The following OSBPL9 variants were observed in gnomAD, a reference collection of about 807,000 sequenced individuals.
The protein encoded by OSBPL9 is oxysterol binding protein like 9.
In OSBPL9, 40 loss-of-function variants were observed where a neutral mutation model predicts 106.6. The observed-to-expected ratio is 0.38, with a 90% CI of 0.29 to 0.49. The LOEUF is 0.49. Among genes scored for constraint, OSBPL9 ranks in the 20% least tolerant of loss-of-function variants. The probability of loss-of-function intolerance (pLI) is 0.97; values close to 1 mark genes in which losing one functional copy is unlikely to be tolerated. For missense variants in OSBPL9, 609 were observed against 887.2 expected (o/e 0.69, Z 3.98); for synonymous variants, 269 against 295.4 (o/e 0.91, Z 0.92).
At chr1:51,568,941 G>T in the OSBPL9 span, among the ~76,000 whole-genome samples, 4 of 152,146 alleles carry the variant, frequency 2.6e-5, no homozygotes, top group Non-Finnish European at 5.9e-5. Flanking sequence ...TCGAACTCCT[G>T]ACCTCAAGTG....
chr1:51,659,760 GA>G (rs1233476771), intron 2 of OSBPL9, among the ~76,000 whole-genome samples: 1 of 152,012 alleles, frequency 6.6e-6, no homozygotes, highest in East Asian at 1.9e-4. Flanking sequence ...CAATAAATTT[GA>G]AAGCTTATAT....
intron 15 of OSBPL9, among the ~76,000 whole-genome samples, chr1:51,777,989 C>CA (rs953746498): frequency 1.3e-5 from 2 of 151,308 alleles, no homozygotes; most frequent in African/African-American, 4.9e-5. Context: ...CCTGTCCCTA[C>CA]AAAAAAAAAT....
chr1:51,789,147 C>A lies in OSBPL9; in HGVS notation c.*1358C>A. On this transcript the variant is annotated 3_prime_UTR_variant, in exon 24 of 24. Coordinates refer to ENST00000428468, the MANE Select transcript of OSBPL9 (RefSeq NM_024586.6). ...CCAGTGCAAAACTTCAATGGAAGCC[C>A]TAAGGCAGTAGTATAACTAACTCCA... 1 of 1,253,114 alleles carries A rather than the reference C, an allele frequency of 8.0e-7. No individual in the cohort carries two copies. Among genetic ancestry groups the A allele is most frequent in the Non-Finnish European group, 1.2e-6 (1 of 858,856 alleles). 77.6% of individuals were successfully genotyped at this position (1,253,114 alleles called of 1,614,324 possible).
chr1:51,739,593 A>G (rs1276491538), intron 4 of OSBPL9, among the ~76,000 whole-genome samples: 1 of 152,028 alleles, frequency 6.6e-6, no homozygotes, highest in Non-Finnish European at 1.5e-5. Context: ...TAGTGAAAGG[A>G]AAGGTTTAAT....
chr1:51,747,858 C>T (rs867191590), intron 6 of OSBPL9, among the ~76,000 whole-genome samples: 2 of 152,056 alleles, frequency 1.3e-5, no homozygotes, highest in African/African-American at 4.8e-5. Flanking sequence ...GGCGTGATCT[C>T]GGCTCACTGC....
intron 15 of OSBPL9, among the ~76,000 whole-genome samples, chr1:51,778,132 G>A (rs1467438309): frequency 6.6e-6 from 1 of 152,002 alleles, no homozygotes; most frequent in Non-Finnish European, 1.5e-5. Context: ...CTGCAGCTTG[G>A]GTGACAGAGC....
At chr1:51,623,340 G>C (rs767257548) in intron 1 of OSBPL9, among the ~76,000 whole-genome samples, 2 of 152,090 alleles carry the variant, frequency 1.3e-5, no homozygotes, top group Non-Finnish European at 2.9e-5. Context: ...TGGGAAGCAA[G>C]GTCAATGTTA....
chr1:51,728,637 A>G (rs182208433), intron 4 of OSBPL9, among the ~76,000 whole-genome samples: 1 of 152,308 alleles, frequency 6.6e-6, no homozygotes, highest in African/African-American at 2.4e-5. Context: ...TTTACATACA[A>G]CAAACTGAAG....
chr1:51,599,459 A>G (rs901573823), intron 2 of OSBPL9, among the ~76,000 whole-genome samples: 2 of 152,180 alleles, frequency 1.3e-5, no homozygotes, highest in Non-Finnish European at 1.5e-5. Context: ...AGTCCCTAGC[A>G]CAGTGAATGT....
At chr1:51,771,311 GC>G (rs2149104636) in intron 12 of OSBPL9, among the ~76,000 whole-genome samples, 1 of 152,198 alleles carries the variant, frequency 6.6e-6, no homozygotes, top group South Asian at 2.1e-4. Flanking sequence ...TAAATTGTGT[GC>G]CTTTTTTATT....
the OSBPL9 span, among the ~76,000 whole-genome samples, chr1:51,534,558 G>A: frequency 6.6e-6 from 1 of 152,100 alleles, no homozygotes; most frequent in East Asian, 1.9e-4. Flanking sequence ...GCTGTCCAGG[G>A]CATTCAGACC....
chr1:51,571,617 C>T, the OSBPL9 span, among the ~76,000 whole-genome samples: 5 of 152,062 alleles, frequency 3.3e-5, no homozygotes, highest in South Asian at 2.1e-4. Flanking sequence ...CAGTGAGCTA[C>T]GATCACACCA....
At chr1:51,637,998 T>C (rs1171142966) in intron 1 of OSBPL9, among the ~76,000 whole-genome samples, 1 of 152,156 alleles carries the variant, frequency 6.6e-6, no homozygotes, top group African/African-American at 2.4e-5. Context: ...CTAAAATACT[T>C]AGTATAATGA....
chr1:51,748,663 C>T (rs1451764358), intron 7 of OSBPL9, among the ~76,000 whole-genome samples: 1 of 152,094 alleles, frequency 6.6e-6, no homozygotes, highest in East Asian at 1.9e-4. Context: ...GTCTTCCACG[C>T]ACAGTGGATA....
At chr1:51,722,948 T>C (rs2148916187) in intron 4 of OSBPL9, among the ~76,000 whole-genome samples, 1 of 152,364 alleles carries the variant, frequency 6.6e-6, no homozygotes, top group Middle Eastern at 3.4e-3. Context: ...ATGCCTAGGG[T>C]AAATATGATT....
rs985342518 is a variant in OSBPL9, at chr1:51,662,970, A to T, written c.163-6464A>T. 8.6e-5 allele frequency among the ~76,000 whole-genome samples: 13 copies of T among 151,864 alleles called. No individual in the cohort carries two copies. The East Asian group carries it at 9.7e-4, about 11-fold the overall frequency. ...CGTGTTAGCCAGGATGGTCTTGATC[A>T]CCTGACCTCATGATCTGCCCGCCTT... is the stretch of plus-strand genomic sequence containing the variant. On this transcript the variant is annotated intron_variant, in intron 2 of 23. Coordinates refer to ENST00000428468, the MANE Select transcript of OSBPL9 (RefSeq NM_024586.6).
chr1:51,573,204 T>G (rs1570521575), upstream of OSBPL9, among the ~76,000 whole-genome samples: 1 of 133,668 alleles, frequency 7.5e-6, no homozygotes, highest in Non-Finnish European at 1.5e-5. Flanking sequence ...AGAGTGAGAC[T>G]CCATCTCCAA....
chr1:51,674,080 T>C (rs1281100349), intron 3 of OSBPL9, among the ~76,000 whole-genome samples: 4 of 147,808 alleles, frequency 2.7e-5, no homozygotes, highest in African/African-American at 1.0e-4. Context: ...TTTTTTTTTT[T>C]CAGGGCCTTG....
At chr1:51,666,899 C>T (rs1208470281) in intron 2 of OSBPL9, among the ~76,000 whole-genome samples, 1 of 152,160 alleles carries the variant, frequency 6.6e-6, no homozygotes, top group Non-Finnish European at 1.5e-5. Context: ...ATTACTCCGG[C>T]AATAGCAAGG....
Sources: gnomAD v4.1 joint callset for allele counts (sites outside exome capture counted in the v4.1 genomes callset) on GRCh38, gnomAD v4.1.1 for gene constraint, MANE v1.5 for transcripts, NCBI Gene and HGNC (gene_info 2026-07-23, HGNC 2026-07-21) for gene names.